The following GRIA4 variants were observed in gnomAD, a reference collection of about 807,000 sequenced individuals.
GRIA4 encodes the protein glutamate ionotropic receptor AMPA type subunit 4.
A neutral mutation model predicts 104.0 loss-of-function variants in GRIA4; 34 were observed. The observed-to-expected ratio is 0.33, with a 90% CI of 0.25 to 0.44. The LOEUF (loss-of-function observed/expected upper bound fraction) is 0.44. Ranked by LOEUF, GRIA4 falls within the 20% of genes least tolerant of loss-of-function variation. The pLI is 1.00. For missense variants in GRIA4, 750 were observed against 1,096.5 expected, an observed-to-expected ratio of 0.68 and a Z score of 4.46; for synonymous variants, 386 against 381.9, an observed-to-expected ratio of 1.01 and a Z score of -0.13.
chr11:105,620,619 T>C (rs1950718232), intron 3 of GRIA4, among the ~76,000 whole-genome samples: 2 of 151,902 alleles, frequency 1.3e-5, no homozygotes, highest in Admixed American at 1.3e-4. Flanking sequence ...ATATTGATTT[T>C]TCTATGTGGT....
intron 4 of GRIA4, among the ~76,000 whole-genome samples, chr11:105,843,286 C>T: frequency 6.7e-6 from 1 of 149,312 alleles, no homozygotes; most frequent in South Asian, 2.2e-4. Context: ...AATTTGCTTG[C>T]CTAATAGGGT....
chr11:105,856,467 A>C (rs886145768), intron 4 of GRIA4, among the ~76,000 whole-genome samples: 1 of 152,124 alleles, frequency 6.6e-6, no homozygotes, highest in African/African-American at 2.4e-5. Flanking sequence ...CTGCTATGCA[A>C]GATAAAAAGT....
At chr11:105,645,652 C>G (rs1375588811) in intron 3 of GRIA4, among the ~76,000 whole-genome samples, 1 of 152,084 alleles carries the variant, frequency 6.6e-6, no homozygotes, top group Non-Finnish European at 1.5e-5. Context: ...AAGGACACCA[C>G]TGAGTAGAAT....
intron 3 of GRIA4, among the ~76,000 whole-genome samples, chr11:105,715,557 T>A (rs1395907065): frequency 6.6e-6 from 1 of 152,168 alleles, no homozygotes; most frequent in African/African-American, 2.4e-5. Flanking sequence ...TAAGAAAGGC[T>A]ACAGAAAATA....
intron 10 of GRIA4, chr11:105,913,129 T>C: frequency 1.6e-6 from 1 of 622,704 alleles, no homozygotes; most frequent in Non-Finnish European, 2.0e-6. Flanking sequence ...TAAATATTTA[T>C]TGAGCGTCTG....
intron 3 of GRIA4, among the ~76,000 whole-genome samples, chr11:105,668,386 A>C (rs1297620424): frequency 6.7e-6 from 1 of 149,790 alleles, no homozygotes; most frequent in Non-Finnish European, 1.5e-5. Context: ...TATTTTAAAA[A>C]CTATTCATCC....
At chr11:105,736,138 A>G (rs1565503710) in intron 3 of GRIA4, among the ~76,000 whole-genome samples, 1 of 152,172 alleles carries the variant, frequency 6.6e-6, no homozygotes, top group Admixed American at 6.6e-5. Context: ...ACCCAGACAC[A>G]CTGGGCCTTT....
At chr11:105,819,342 T>G (rs757252739) in intron 4 of GRIA4, among the ~76,000 whole-genome samples, 5 of 152,168 alleles carry the variant, frequency 3.3e-5, no homozygotes, top group Non-Finnish European at 5.9e-5. Flanking sequence ...TTTCCTCATC[T>G]GTAAAATAAA....
intron 3 of GRIA4, among the ~76,000 whole-genome samples, chr11:105,684,924 T>G (rs1290811714): frequency 6.6e-6 from 1 of 152,076 alleles, no homozygotes; most frequent in African/African-American, 2.4e-5. Flanking sequence ...TCATGTATTA[T>G]TTCTCATAAA....
At chr11:105,940,713 C>T (rs1221574475) in intron 14 of GRIA4, among the ~76,000 whole-genome samples, 3 of 152,066 alleles carry the variant, frequency 2.0e-5, no homozygotes, top group African/African-American at 7.2e-5. Context: ...TCCTTTGTTT[C>T]AGCACAGCAT....
chr11:105,967,609 G>A (rs1026838621), intron 14 of GRIA4, among the ~76,000 whole-genome samples: 1 of 150,948 alleles, frequency 6.6e-6, no homozygotes, highest in Non-Finnish European at 1.5e-5. Flanking sequence ...TAACAAGTAG[G>A]TTTCCAAAAT....
intron 3 of GRIA4, among the ~76,000 whole-genome samples, chr11:105,716,697 C>A (rs1009573538): frequency 6.6e-6 from 1 of 152,084 alleles, no homozygotes; most frequent in African/African-American, 2.4e-5. Context: ...CACTTAACAT[C>A]AATTTAACCA....
chr11:105,894,462 G>T (rs918059043), intron 6 of GRIA4, among the ~76,000 whole-genome samples: 3 of 152,024 alleles, frequency 2.0e-5, no homozygotes, highest in Non-Finnish European at 4.4e-5. Context: ...TGTGTAATAC[G>T]CTTAGCACAA....
chr11:105,857,921 T>C (rs1945070519), intron 4 of GRIA4, among the ~76,000 whole-genome samples: 1 of 152,186 alleles, frequency 6.6e-6, no homozygotes, highest in Non-Finnish European at 1.5e-5. Flanking sequence ...GCCCAGCTAT[T>C]GTTGTGAGTA....
chr11:105,784,709 T>G (rs1297338819), intron 4 of GRIA4, among the ~76,000 whole-genome samples: 1 of 152,218 alleles, frequency 6.6e-6, no homozygotes, highest in African/African-American at 2.4e-5. Flanking sequence ...TTTACAAGTC[T>G]TTTTTGCATT....
chr11:105,805,389 C>G lies in GRIA4; in HGVS notation c.487+52169C>G, dbSNP rs11600885. ...TGCTGGTTAAGAGGGAAAACATGAA[C>G]AATTAAGTCTCTAAAATAGCTTTCC... On this transcript the variant is annotated intron_variant, in intron 4 of 16. Transcript: ENST00000282499. Among the ~76,000 whole-genome samples, 297 of 138,636 alleles carry G rather than the reference C, an allele frequency of 2.1e-3. 1 individual carries two copies. Among genetic ancestry groups the G allele is most frequent in the Non-Finnish European group, 2.6e-3 (170 of 64,882 alleles). The allele number at this position is 138,636 out of a possible 152,430, so 91.0% of individuals were successfully genotyped here.
intron 4 of GRIA4, among the ~76,000 whole-genome samples, chr11:105,853,287 C>T (rs1290364450): frequency 1.3e-5 from 2 of 152,066 alleles, no homozygotes; most frequent in Non-Finnish European, 2.9e-5. Flanking sequence ...TTACTTCAAT[C>T]CTAAGTTTCT....
intron 3 of GRIA4, among the ~76,000 whole-genome samples, chr11:105,616,900 C>G (rs917314662): frequency 6.6e-6 from 1 of 151,254 alleles, no homozygotes; most frequent in Non-Finnish European, 1.5e-5. Flanking sequence ...ATTTTTCATC[C>G]TGAGATTGAG....
intron 3 of GRIA4, among the ~76,000 whole-genome samples, chr11:105,644,237 C>A (rs10791764): frequency 0.45 from 68,244 of 151,836 alleles, 15,446 homozygotes; most frequent in East Asian, 0.56. Flanking sequence ...GGTCTCATGC[C>A]CCTCTTTGCT....
Sources: allele counts gnomAD v4.1 joint callset (sites outside exome capture counted in the v4.1 genomes callset), GRCh38; gene constraint gnomAD v4.1.1; transcripts MANE v1.5; gene names NCBI Gene and HGNC (gene_info 2026-07-23, HGNC 2026-07-21).